Variants in FSHR observed in about 807,000 individuals in gnomAD.
FSHR encodes follicle-stimulating hormone receptor.
In FSHR, 46 loss-of-function variants were observed where a neutral mutation model predicts 52.1. The ratio of observed to expected loss-of-function variants is 0.88; its 90% CI spans 0.70 to 1.13. The LOEUF (loss-of-function observed/expected upper bound fraction) is 1.13. FSHR is among the 50% of genes most tolerant of loss of function. The probability of loss-of-function intolerance (pLI) is 0.00; values close to 1 mark genes in which losing one functional copy is unlikely to be tolerated. For missense variants in FSHR, 964 were observed against 834.6 expected, an observed-to-expected ratio of 1.16 and a Z score of -1.91; for synonymous variants, 399 against 309.6, an observed-to-expected ratio of 1.29 and a Z score of -3.03.
At chr2:49,067,627 C>A (rs890730612) in intron 2 of FSHR, among the ~76,000 whole-genome samples, 1 of 152,002 alleles carries the variant, frequency 6.6e-6, no homozygotes, top group Non-Finnish European at 1.5e-5. Flanking sequence ...CTATTGCACC[C>A]CACTTTGAGA....
At chr2:49,105,156 AG>A (rs1357517653) in intron 1 of FSHR, among the ~76,000 whole-genome samples, 1 of 152,142 alleles carries the variant, frequency 6.6e-6, no homozygotes, top group Admixed American at 6.5e-5. Context: ...ACAAAGTTTA[AG>A]TGTGTTTTCA....
chr2:49,061,196 A>G (rs770065236), intron 2 of FSHR, among the ~76,000 whole-genome samples: 1 of 152,130 alleles, frequency 6.6e-6, no homozygotes, highest in African/African-American at 2.4e-5. Flanking sequence ...CAAGGAGAGC[A>G]AACTTGCACC....
chr2:48,964,166 T>C (rs560296754), intron 9 of FSHR, among the ~76,000 whole-genome samples, 200 bp from the exon 10 acceptor site: 1 of 152,076 alleles, frequency 6.6e-6, no homozygotes, highest in Non-Finnish European at 1.5e-5. Flanking sequence ...GTATATATAT[T>C]ACTAGAGTTG....
chr2:49,090,572 TA>T (rs1572731083), intron 1 of FSHR, among the ~76,000 whole-genome samples: 2 of 152,370 alleles, frequency 1.3e-5, no homozygotes, highest in East Asian at 1.9e-4. Context: ...AGAGCTGCTA[TA>T]AACACTTATG....
chr2:49,121,909 G>A (rs1485445212), intron 1 of FSHR, among the ~76,000 whole-genome samples: 1 of 152,036 alleles, frequency 6.6e-6, no homozygotes, highest in African/African-American at 2.4e-5. Context: ...TCTTTTGACA[G>A]GATGTTTTTC....
chr2:48,973,999 G>C (rs1316469916), intron 8 of FSHR, among the ~76,000 whole-genome samples: 3 of 152,178 alleles, frequency 2.0e-5, no homozygotes, highest in East Asian at 3.9e-4. Context: ...TATTGAGTAA[G>C]TAGTTGTCTG....
chr2:49,016,552 C>A (rs545872826), intron 4 of FSHR, among the ~76,000 whole-genome samples: 1 of 152,248 alleles, frequency 6.6e-6, no homozygotes, highest in Admixed American at 6.5e-5. Context: ...CCAATTGAGG[C>A]CATCCAGAGT....
intron 9 of FSHR, among the ~76,000 whole-genome samples, chr2:48,964,654 C>T (rs1053329948): frequency 1.3e-5 from 2 of 152,076 alleles, no homozygotes; most frequent in African/African-American, 2.4e-5. Flanking sequence ...CTAGTGAGTG[C>T]CCCAAAGAAC....
intron 2 of FSHR, 65 bp from the exon 3 acceptor site, chr2:49,020,225 C>CTATGCTGAGCCCTAAA: frequency 2.3e-6 from 3 of 1,283,684 alleles, no homozygotes; most frequent in Non-Finnish European, 3.4e-6. Flanking sequence ...TTTTAGGGCT[C>CTATGCTGAGCCCTAAA]AGCATAGAGC....
intron 2 of FSHR, among the ~76,000 whole-genome samples, chr2:49,027,183 C>G (rs1342622655): frequency 1.3e-5 from 2 of 152,200 alleles, no homozygotes; most frequent in African/African-American, 2.4e-5. Context: ...CTCTCAATTA[C>G]TCTCTTCTGT....
chr2:49,124,948 C>A (rs1671947453), intron 1 of FSHR, among the ~76,000 whole-genome samples: 2 of 152,236 alleles, frequency 1.3e-5, no homozygotes, highest in African/African-American at 4.8e-5. Context: ...ACACTAATCC[C>A]TGTCCACTCA....
At chr2:49,114,020 C>A (rs887000025) in intron 1 of FSHR, among the ~76,000 whole-genome samples, 1 of 152,106 alleles carries the variant, frequency 6.6e-6, no homozygotes, top group African/African-American at 2.4e-5. Flanking sequence ...GCTTCCAGGT[C>A]ACACCAGCAA....
chr2:49,116,826 A>T (rs1285874545), intron 1 of FSHR, among the ~76,000 whole-genome samples: 1 of 152,220 alleles, frequency 6.6e-6, no homozygotes, highest in Non-Finnish European at 1.5e-5. Flanking sequence ...TTATTTCAAG[A>T]TTCTGGTCTC....
At chr2:49,050,388 G>T (rs1023970493) in intron 2 of FSHR, among the ~76,000 whole-genome samples, 1 of 152,176 alleles carries the variant, frequency 6.6e-6, no homozygotes, top group Non-Finnish European at 1.5e-5. Flanking sequence ...TAGGAGTAGA[G>T]AATCACTCTA....
chr2:49,014,061 C>T (rs969187989), intron 4 of FSHR, among the ~76,000 whole-genome samples: 2 of 152,050 alleles, frequency 1.3e-5, no homozygotes, highest in South Asian at 4.1e-4. Flanking sequence ...CAGCTGGCAT[C>T]CTGATCTTGG....
At chr2:49,113,238 C>T (rs1031870993) in intron 1 of FSHR, among the ~76,000 whole-genome samples, 12 of 152,124 alleles carry the variant, frequency 7.9e-5, no homozygotes, top group African/African-American at 2.2e-4. Flanking sequence ...CAGGGCTGAA[C>T]CATTTTAACA....
intron 1 of FSHR, among the ~76,000 whole-genome samples, chr2:49,100,432 T>A (rs140891821): frequency 3.5e-4 from 53 of 152,338 alleles, no homozygotes; most frequent in African/African-American, 1.2e-3. Context: ...TGTTCAGTCA[T>A]CCTTGCAGCT....
chr2:49,141,166 CCTT>C (rs1672671086), intron 1 of FSHR, among the ~76,000 whole-genome samples: 2 of 152,156 alleles, frequency 1.3e-5, no homozygotes. Context: ...ACTTTTTAGT[CCTT>C]CTATTTATTC....
At chr2:49,101,086 A>G (rs1211746282) in intron 1 of FSHR, among the ~76,000 whole-genome samples, 1 of 152,188 alleles carries the variant, frequency 6.6e-6, no homozygotes, top group African/African-American at 2.4e-5. Context: ...TATTAGAAAA[A>G]ATTTCTGTGC....
Sources: gnomAD v4.1 joint callset for allele counts (sites outside exome capture counted in the v4.1 genomes callset) on GRCh38, gnomAD v4.1.1 for gene constraint, MANE v1.5 for transcripts, NCBI Gene and HGNC (gene_info 2026-07-23, HGNC 2026-07-21) for gene names.